The following RSF1 variants were observed in gnomAD, a reference collection of about 807,000 sequenced individuals.
The protein encoded by RSF1 is HBV pX-associated protein 8.
Under a neutral mutation model 145.2 loss-of-function variants are expected in RSF1, and 13 were observed. The observed-to-expected ratio is 0.09, with a 90% CI of 0.06 to 0.14. The LOEUF is 0.14. Ranked by LOEUF, RSF1 falls within the 10% of genes least tolerant of loss-of-function variation. The probability of loss-of-function intolerance (pLI) is 1.00; values close to 1 mark genes in which losing one functional copy is unlikely to be tolerated. For synonymous variants in RSF1, 577 were observed against 592.6 expected, an observed-to-expected ratio of 0.97 and a Z score of 0.38; for missense variants, 1,517 against 1,718.2, an observed-to-expected ratio of 0.88 and a Z score of 2.07.
chr11:77,685,264 A>G, intron 9 of RSF1, 105 bp from the exon 10 acceptor site: 1 of 571,664 alleles, frequency 1.7e-6, no homozygotes, highest in Non-Finnish European at 3.0e-6. Context: ...TCACGTTAAC[A>G]GCAGAGGGTA....
intron 9 of RSF1, among the ~76,000 whole-genome samples, chr11:77,686,343 G>A (rs906878842): frequency 1.5e-5 from 2 of 137,212 alleles, no homozygotes; most frequent in Non-Finnish European, 3.0e-5. Flanking sequence ...AGGAGTTGGA[G>A]GTTGCAGTGA....
At chr11:77,726,764 TTTC>T (rs1207264207) in intron 4 of RSF1, among the ~76,000 whole-genome samples, 1 of 152,158 alleles carries the variant, frequency 6.6e-6, no homozygotes, top group Non-Finnish European at 1.5e-5. Flanking sequence ...AATGACTCGT[TTTC>T]TTATCTGTCA....
At chr11:77,855,471 C>A in the RSF1 span, 1 of 195,960 alleles carries the variant, frequency 5.1e-6, no homozygotes, top group South Asian at 7.7e-5. Flanking sequence ...AGGTGCCTGC[C>A]ACCACACCCA....
Position 77,700,789 on chromosome 11 carries a change from A to G in RSF1, c.2440T>C (p.Leu814=). ...EDEVEEESTA[L]QKTDKKEILK... ...ATTTCCTTTTTGTCAGTTTTTTGCA[A>G]AGCTGTTGACTCTTCTTCCACCTCA... is the stretch of plus-strand genomic sequence containing the variant. The change falls in exon 6 of 16, where the codon TTG becomes CTG. Residue 814 remains leucine, a synonymous_variant. Transcript: ENST00000308488. The G allele has an allele frequency of 6.3e-7, 1 of 1,598,414 alleles. No individual in the cohort carries two copies. Among genetic ancestry groups the G allele is most frequent in the Non-Finnish European group, 8.5e-7 (1 of 1,176,976 alleles).
chr11:77,667,529 A>G, intron 15 of RSF1, 38 bp from the exon 16 acceptor site: 1 of 1,541,814 alleles, frequency 6.5e-7, no homozygotes, highest in Non-Finnish European at 8.8e-7. Flanking sequence ...TGGCACGGTT[A>G]ACCATAAACG....
chr11:77,697,487 AATAT>A (rs1275274461), intron 7 of RSF1, among the ~76,000 whole-genome samples: 2 of 14,740 alleles, frequency 1.4e-4, no homozygotes, highest in Non-Finnish European at 2.3e-4. Context: ...TATAATATAT[AATAT>A]ATATAAATAT....
chr11:77,842,635 T>C, the RSF1 span: 4 of 1,613,532 alleles, frequency 2.5e-6, no homozygotes, highest in Non-Finnish European at 1.7e-6. Flanking sequence ...TGAGGTAAGA[T>C]ATTAGTCTTT....
chr11:77,706,127 G>A (rs1960543053), intron 5 of RSF1, among the ~76,000 whole-genome samples: 1 of 151,342 alleles, frequency 6.6e-6, no homozygotes, highest in Non-Finnish European at 1.5e-5. Context: ...TGTAGTCCCA[G>A]CTACTCGAGA....
chr11:77,856,164 C>G, the RSF1 span, among the ~76,000 whole-genome samples: 52,280 of 152,024 alleles, frequency 0.34, 9,180 homozygotes, highest in East Asian at 0.46. Flanking sequence ...AATCATCACT[C>G]TCAAGTTCAA....
At chr11:77,822,498 T>C (rs1948963403), upstream of RSF1, among the ~76,000 whole-genome samples, 3 of 146,748 alleles carry the variant, frequency 2.0e-5, no homozygotes, top group South Asian at 6.5e-4. Flanking sequence ...TATAGAAAGA[T>C]AAGAAATAGA....
chr11:77,820,909 G>A (rs1276859012), upstream of RSF1: 7 of 599,910 alleles, frequency 1.2e-5, no homozygotes, highest in Non-Finnish European at 2.0e-5. Context: ...GAGTCAGACG[G>A]GAGACAGAGC....
chr11:77,746,428 C>T (rs527975608), intron 3 of RSF1, among the ~76,000 whole-genome samples: 1 of 152,104 alleles, frequency 6.6e-6, no homozygotes, highest in African/African-American at 2.4e-5. Flanking sequence ...ATCTTGAGGT[C>T]TTTTGAATAA....
the RSF1 span, among the ~76,000 whole-genome samples, chr11:77,855,776 A>C: frequency 2.2e-3 from 324 of 145,300 alleles, no homozygotes; most frequent in African/African-American, 7.5e-3. Context: ...AGGCAGCCAG[A>C]CCATGTCTTG....
intron 5 of RSF1, among the ~76,000 whole-genome samples, chr11:77,703,684 G>A (rs1206758432): frequency 1.3e-5 from 2 of 152,170 alleles, no homozygotes; most frequent in Non-Finnish European, 2.9e-5. Flanking sequence ...ACCATTCAGT[G>A]TCTGAGAGTT....
the RSF1 span, chr11:77,868,997 C>T: frequency 6.2e-6 from 2 of 322,480 alleles, no homozygotes; most frequent in East Asian, 7.3e-5. Flanking sequence ...TGGGTAATAC[C>T]GTAGACTCTT....
Position 77,661,790 on chromosome 11 carries a change from A to G in RSF1, c.*5127T>C, listed in dbSNP as rs1471784675. ...TTTTTTTTTTTTTGCAACATACAAA[A>G]TAAGTTAAATGATTCAGAAGGTTTT... On this transcript the variant is annotated 3_prime_UTR_variant, in exon 16 of 16. Coordinates refer to ENST00000308488, the MANE Select transcript of RSF1 (RefSeq NM_016578.4). 3 of 151,642 alleles carry G rather than the reference A, an allele frequency of 2.0e-5. No individual in the cohort carries two copies. Among genetic ancestry groups the G allele is most frequent in the South Asian group, 2.1e-4 (1 of 4,810 alleles). The allele number at this position is 151,642 out of a possible 1,614,324, so 9.4% of individuals were successfully genotyped here.
the RSF1 span, among the ~76,000 whole-genome samples, chr11:77,853,945 A>T: frequency 1.3e-5 from 2 of 151,890 alleles, no homozygotes; most frequent in Non-Finnish European, 2.9e-5. Flanking sequence ...CGTCTCAAAA[A>T]AATAAACAAA....
rs1272862289 is a variant in RSF1, at chr11:77,663,391, G to A, written c.*3526C>T. 6.6e-6 allele frequency: 1 copy of A among 151,988 alleles called. No homozygotes were observed. Among genetic ancestry groups the A allele is most frequent in the East Asian group, 1.9e-4 (1 of 5,188 alleles). The allele number at this position is 151,988 out of a possible 1,614,324, so 9.4% of individuals were successfully genotyped here. ...TTTGCTCAAATGTATATTATAGGAT[G>A]GGTTTCATCAACTAAAAAGTAAAAA... is the stretch of plus-strand genomic sequence containing the variant. On this transcript the variant is annotated 3_prime_UTR_variant, in exon 16 of 16. Transcript: ENST00000308488.
chr11:77,690,918 A>C (rs1298018218), intron 9 of RSF1: 12 of 507,974 alleles, frequency 2.4e-5, no homozygotes, highest in Non-Finnish European at 3.8e-5. Context: ...AGACAATAAA[A>C]TTTGAGTATC....
Sources: allele counts gnomAD v4.1 joint callset (sites outside exome capture counted in the v4.1 genomes callset), GRCh38; gene constraint gnomAD v4.1.1; transcripts MANE v1.5; gene names NCBI Gene and HGNC (gene_info 2026-07-23, HGNC 2026-07-21).